UBXN11: variants seen among roughly 807,000 people sequenced by gnomAD.
The protein encoded by UBXN11 is UBX domain-containing protein 11.
A neutral mutation model predicts 62.8 loss-of-function variants in UBXN11; 47 were observed. The observed-to-expected ratio is 0.75, with a 90% CI of 0.59 to 0.95. The LOEUF (loss-of-function observed/expected upper bound fraction) is 0.95, where lower values mean the gene tolerates loss of function less well. Ranked by LOEUF, UBXN11 falls within the 40% of genes least tolerant of loss-of-function variation. UBXN11 has a pLI of 0.00. For missense variants in UBXN11, 638 were observed against 661.7 expected, an observed-to-expected ratio of 0.96 and a Z score of 0.39; for synonymous variants, 294 against 267.0, an observed-to-expected ratio of 1.10 and a Z score of -0.99.
chr1:26,296,568 C>T (rs907841464), intron 7 of UBXN11, among the ~76,000 whole-genome samples: 4 of 152,150 alleles, frequency 2.6e-5, no homozygotes, highest in Non-Finnish European at 5.9e-5. Flanking sequence ...GGCCTCATGG[C>T]TGGAGGGGAG....
intron 8 of UBXN11, among the ~76,000 whole-genome samples, chr1:26,290,946 A>T (rs1024595255): frequency 2.0e-5 from 3 of 152,098 alleles, no homozygotes; most frequent in Non-Finnish European, 4.4e-5. Context: ...TGTCCCTTTC[A>T]TGTCTCCACA....
chr1:26,290,161 C>T (rs1043706040), intron 8 of UBXN11, among the ~76,000 whole-genome samples: 13 of 152,342 alleles, frequency 8.5e-5, no homozygotes, highest in African/African-American at 3.1e-4. Context: ...CCTGGGCACA[C>T]GGGCATCACA....
In UBXN11 at chr1:26,282,570, C is replaced by T. The variant is rs1314290976; in HGVS notation, c.1293-1G>A. 1 of 1,603,062 alleles carries T rather than the reference C, an allele frequency of 6.2e-7. No individual in the cohort carries two copies. Among genetic ancestry groups the T allele is most frequent in the Non-Finnish European group, 8.5e-7 (1 of 1,172,242 alleles). ...CTCAAAGGCAGAGGCATCCATGACC[C>T]TGGGGACCAGGCAGAGCAGATCAGG... On this transcript the variant is annotated splice_acceptor_variant, in intron 14 of 14. Coordinates refer to ENST00000374222, the MANE Select transcript of UBXN11 (RefSeq NM_001389556.1). LOFTEE classifies it high-confidence loss of function.
In UBXN11 at chr1:26,301,672, C is replaced by G. The variant is rs755459626; in HGVS notation, c.100+22G>C. 1.9e-6 allele frequency: 3 copies of G among 1,613,432 alleles called. No homozygotes were observed. In the East Asian group the frequency reaches 6.7e-5, roughly 36 times the overall value. On this transcript the variant is annotated intron_variant, in intron 3 of 14. Coordinates refer to ENST00000374222, the MANE Select transcript of UBXN11 (RefSeq NM_001389556.1). ...GCAAGCACATGAGAGGCGAAGAGGG[C>G]ACGAGGGCGGGGCACACTTACCATC...
In UBXN11 at chr1:26,285,513, A is replaced by C; in HGVS notation, c.803T>G (p.Phe268Cys). 6.3e-7 allele frequency: 1 copy of C among 1,599,208 alleles called. No individual in the cohort carries two copies. Among genetic ancestry groups the C allele is most frequent in the South Asian group, 1.1e-5 (1 of 90,344 alleles). The change falls in exon 10 of 15, where the codon TTC (phenylalanine) becomes TGC (cysteine). Residue 268 changes from phenylalanine (F) to cysteine (C), a missense_variant. Physicochemically the swap from Phe to Cys is radical, Grantham distance 205. Coordinates refer to ENST00000374222, the MANE Select transcript of UBXN11 (RefSeq NM_001389556.1). ...QRCLRDILDG[F>C]FPSELQRLYP... The stretch of plus-strand genomic sequence containing the variant: ...CAGTCGCTGGAGCTCTGAGGGAAAG[A>C]AGCCATCCAATATGTCTCGGAGGCA...
rs1429914181 is a variant in UBXN11, at chr1:26,302,838, G to A, written c.46C>T (p.Leu16=). 2 of 1,613,916 alleles carry A rather than the reference G, an allele frequency of 1.2e-6. No individual in the cohort carries two copies. Among genetic ancestry groups the A allele is most frequent in the African/African-American group, 1.3e-5 (1 of 75,030 alleles). The change falls in exon 2 of 15, where the codon CTG becomes TTG. Residue 16 remains leucine, a synonymous_variant. Transcript: ENST00000374222. ...CCAGGATTCATAGGCTCCGAGGGCA[G>A]GGGCACTTTTCGGGTCTTGCTAAGG... ...ASLSKTRKVP[L]PSEPMNPGRR...
chr1:26,285,974 C>T lies in UBXN11; in HGVS notation c.623G>A (p.Ser208Asn), dbSNP rs1481587506. Residue 208 changes from serine to asparagine, a missense_variant, in exon 9 of 15, where the codon AGT becomes AAT. Coordinates refer to ENST00000374222, the MANE Select transcript of UBXN11 (RefSeq NM_001389556.1). ...DRLLASLQDL[S>N]ELVVEGDTQV... Reference sequence around the variant, plus strand: ...GGTGTCACCCTCTACCACCAGCTCACTAAGATCCTGCAGGCTGGCCAGCAG... The same window carrying T: ...GGTGTCACCCTCTACCACCAGCTCATTAAGATCCTGCAGGCTGGCCAGCAG... 7 of 1,613,098 alleles carry T rather than the reference C, an allele frequency of 4.3e-6. No individual in the cohort carries two copies. The East Asian group carries it at 6.7e-5, about 15-fold the overall frequency.
At chr1:26,307,402 G>C (rs2073690746), upstream of UBXN11, among the ~76,000 whole-genome samples, 1 of 152,128 alleles carries the variant, frequency 6.6e-6, no homozygotes, top group Non-Finnish European at 1.5e-5. Context: ...ATTAAATAAG[G>C]TAATGCAAAG....
chr1:26,317,973 C>T, intron 1 of UBXN11: 5 of 1,579,308 alleles, frequency 3.2e-6, no homozygotes, highest in Non-Finnish European at 4.4e-6. Flanking sequence ...GCCCTGAGAT[C>T]ACCTAAAAAG....
chr1:26,292,538 G>T (rs1191515015), intron 8 of UBXN11, among the ~76,000 whole-genome samples: 1 of 151,792 alleles, frequency 6.6e-6, no homozygotes, highest in Non-Finnish European at 1.5e-5. Flanking sequence ...GAAAAATAAA[G>T]AAAAGAAAAA....
At position 26,286,029 on chromosome 1, in the gene UBXN11, AT is replaced by A. The variant is rs2073125280; in HGVS notation, c.567del (p.Leu190TrpfsTer23). ...TAKKFWKPGD[S>X]LAPPEVDFDR... ...TCAAAGTCCACCTCAGGGGGCGCCA[AT>A]GAGTCCCCTGGCAAAGAGGACAGAC... On this transcript the variant is annotated frameshift_variant, in exon 9 of 15. Coordinates refer to ENST00000374222, the MANE Select transcript of UBXN11 (RefSeq NM_001389556.1). LOFTEE classifies it high-confidence loss of function. The A allele has an allele frequency of 6.2e-7, 1 of 1,603,188 alleles. No individual in the cohort carries two copies. The highest frequency in any genetic ancestry group is 8.5e-7 in the Non-Finnish European group (1 of 1,172,186).
chr1:26,303,972 C>G (rs906303932), intron 1 of UBXN11, among the ~76,000 whole-genome samples: 1 of 152,196 alleles, frequency 6.6e-6, no homozygotes, highest in African/African-American at 2.4e-5. Flanking sequence ...GGCTACTACT[C>G]TATTCAGTAA....
intron 8 of UBXN11, among the ~76,000 whole-genome samples, chr1:26,291,373 C>T (rs971566020): frequency 6.6e-6 from 1 of 152,210 alleles, no homozygotes; most frequent in African/African-American, 2.4e-5. Context: ...CAAGGCCCCC[C>T]GCCCATGCTG....
At chr1:26,307,624 CTT>C (rs58120340), upstream of UBXN11, among the ~76,000 whole-genome samples, 85,806 of 127,816 alleles carry the variant, frequency 0.67, 28,715 homozygotes, top group Non-Finnish European at 0.73. Context: ...TTTTCTGTTG[CTT>C]TTTTTTTTTT....
rs529239757 is a variant in UBXN11, at chr1:26,284,367, T to G, written c.968A>C (p.His323Pro). The change falls in exon 11 of 15, where the codon CAC becomes CCC. Residue 323 changes from histidine to proline, a missense_variant. By Grantham distance (77) the His-to-Pro change is moderately conservative. Coordinates refer to ENST00000374222, the MANE Select transcript of UBXN11 (RefSeq NM_001389556.1). Reference protein sequence around the residue: ...MHKALDRVEEHPGSRMTAEKF... With the variant: ...MHKALDRVEEPPGSRMTAEKF... ...AGCCTGGAGGCCAAACTCACCTGGG[T>G]GCTCCTCCACCCTGTCCAAGGCCTT... 3 of 1,613,916 alleles carry G rather than the reference T, an allele frequency of 1.9e-6. No individual in the cohort carries two copies. The African/African-American group carries it at 4.0e-5, about 22-fold the overall frequency.
At chr1:26,297,118 C>A in intron 6 of UBXN11, 123 bp from the exon 7 acceptor site, 1 of 1,188,000 alleles carries the variant, frequency 8.4e-7, no homozygotes, top group Non-Finnish European at 1.2e-6. Flanking sequence ...TCTTGGCCCC[C>A]CACCTCTCTG....
upstream of UBXN11, among the ~76,000 whole-genome samples, chr1:26,308,064 C>G (rs78170461): frequency 6.6e-6 from 1 of 151,862 alleles, no homozygotes; most frequent in Non-Finnish European, 1.5e-5. Flanking sequence ...GTCGGGAGTT[C>G]GAGACCAGCC....
chr1:26,294,679 T>C (rs764275953), intron 7 of UBXN11, among the ~76,000 whole-genome samples: 1 of 152,120 alleles, frequency 6.6e-6, no homozygotes, highest in Non-Finnish European at 1.5e-5. Context: ...CTGGCCCAAG[T>C]GTGAGAAGGA....
At chr1:26,315,013 C>T (rs552899832) in intron 1 of UBXN11, among the ~76,000 whole-genome samples, 4 of 151,824 alleles carry the variant, frequency 2.6e-5, no homozygotes, top group African/African-American at 4.8e-5. Flanking sequence ...CCCAGGAGTT[C>T]GAGGTTACAG....
Sources: gnomAD v4.1 joint callset for allele counts (sites outside exome capture counted in the v4.1 genomes callset) on GRCh38, gnomAD v4.1.1 for gene constraint, MANE v1.5 for transcripts, NCBI Gene and HGNC (gene_info 2026-07-23, HGNC 2026-07-21) for gene names.